Variants in PHACTR3 observed in about 807,000 individuals in gnomAD.
The protein encoded by PHACTR3 is phosphatase and actin regulator 3.
In PHACTR3, 16 loss-of-function variants were observed where a neutral mutation model predicts 66.8. The observed-to-expected ratio is 0.24, with a 90% CI of 0.16 to 0.36. The LOEUF is 0.36. Ranked by LOEUF, PHACTR3 falls within the 10% of genes least tolerant of loss-of-function variation. The pLI, the probability that PHACTR3 is intolerant of heterozygous loss-of-function variation, is 1.00. For missense variants in PHACTR3, 647 were observed against 719.9 expected (o/e 0.90, Z 1.16); for synonymous variants, 323 against 292.1 (o/e 1.11, Z -1.08).
At chr20:59,750,675 C>T (rs940116925) in intron 3 of PHACTR3, among the ~76,000 whole-genome samples, 4 of 137,814 alleles carry the variant, frequency 2.9e-5, no homozygotes, top group Non-Finnish European at 4.7e-5. Context: ...GGCCACAGTG[C>T]GAGTGGGTGG....
At chr20:59,755,492 C>A in intron 4 of PHACTR3, 128 bp downstream of exon 4, 1 of 1,075,406 alleles carries the variant, frequency 9.3e-7, no homozygotes, top group African/African-American at 1.6e-5. Context: ...TGGGCCCGTG[C>A]TCTAAGCGCT....
intron 3 of PHACTR3, among the ~76,000 whole-genome samples, chr20:59,754,407 G>A (rs1201377710): frequency 2.0e-5 from 3 of 152,214 alleles, no homozygotes; most frequent in Admixed American, 1.3e-4. Context: ...GGTGTGCCCC[G>A]TTCCTGGGCT....
intron 1 of PHACTR3, among the ~76,000 whole-genome samples, chr20:59,713,743 T>C (rs571804944): frequency 6.7e-6 from 1 of 150,108 alleles, no homozygotes; most frequent in African/African-American, 2.5e-5. Context: ...TTTTGTCTTT[T>C]GCTTTTTTTT....
At chr20:59,755,634 C>G (rs576692209) in intron 4 of PHACTR3, among the ~76,000 whole-genome samples, 41 of 152,316 alleles carry the variant, frequency 2.7e-4, no homozygotes, top group Admixed American at 8.5e-4. Flanking sequence ...ACCTACCCCC[C>G]CTCCCAGGGC....
chr20:59,597,587 G>GT (rs1568923862), intron 1 of PHACTR3, among the ~76,000 whole-genome samples: 1 of 152,350 alleles, frequency 6.6e-6, no homozygotes, highest in East Asian at 1.9e-4. Flanking sequence ...GATTTGGGTA[G>GT]TTTCAGCCTT....
chr20:59,803,396 T>C (rs2041473948), intron 7 of PHACTR3, among the ~76,000 whole-genome samples: 1 of 152,182 alleles, frequency 6.6e-6, no homozygotes, highest in Non-Finnish European at 1.5e-5. Flanking sequence ...TTCTGTGATG[T>C]TACCTAACAA....
chr20:59,803,368 GA>G (rs1652918864), intron 7 of PHACTR3, among the ~76,000 whole-genome samples: 1 of 151,916 alleles, frequency 6.6e-6, no homozygotes, highest in South Asian at 2.1e-4. Context: ...ACAAAGGAGA[GA>G]TTTTTTTTTT....
chr20:59,657,450 C>T (rs1303325673), intron 1 of PHACTR3, among the ~76,000 whole-genome samples: 1 of 152,018 alleles, frequency 6.6e-6, no homozygotes, highest in Non-Finnish European at 1.5e-5. Flanking sequence ...TGATTTCAGC[C>T]TCAAAACTTT....
intron 1 of PHACTR3, among the ~76,000 whole-genome samples, chr20:59,665,153 T>A (rs912671109): frequency 6.6e-6 from 1 of 152,210 alleles, no homozygotes. Flanking sequence ...TCCTTAACGG[T>A]TCCCCTTGTG....
At chr20:59,674,464 T>TCCTGTTCCTTCCCCTTCTCCTGTTCCCC (rs1568696844) in intron 1 of PHACTR3, among the ~76,000 whole-genome samples, 3 of 73,182 alleles carry the variant, frequency 4.1e-5, no homozygotes, top group African/African-American at 2.5e-4. Flanking sequence ...TCCTGTCCTC[T>TCCTGTTCCTTCCCCTTCTCCTGTTCCCC]CTTCTCCTGT....
rs1331249466 is a variant in PHACTR3, at chr20:59,847,213, C to G, written c.*83C>G. The G allele has an allele frequency of 2.0e-6, 2 of 1,001,124 alleles. No individual in the cohort carries two copies. Among genetic ancestry groups the G allele is most frequent in the African/African-American group, 3.2e-5 (2 of 62,888 alleles). 62.0% of individuals were successfully genotyped at this position (1,001,124 alleles called of 1,614,324 possible). On this transcript the variant is annotated 3_prime_UTR_variant, in exon 13 of 13. Transcript: ENST00000371015. ...ATCAGGGAACTTTCCTGAAGTTCAGCTCAAGACTACCCTACCTGCTGTGTT... is the reference window on the plus strand; with the variant it reads ...ATCAGGGAACTTTCCTGAAGTTCAGGTCAAGACTACCCTACCTGCTGTGTT...
At chr20:59,579,012 C>T (rs1298236972) in intron 1 of PHACTR3, among the ~76,000 whole-genome samples, 1 of 152,192 alleles carries the variant, frequency 6.6e-6, no homozygotes, top group Admixed American at 6.5e-5. Flanking sequence ...GAAGCCCCTC[C>T]CCCAGTGCCT....
chr20:59,841,287 G>GT (rs905680727), intron 10 of PHACTR3, 108 bp from the exon 11 acceptor site: 237 of 1,172,850 alleles, frequency 2.0e-4, no homozygotes, highest in Middle Eastern at 9.1e-4. Flanking sequence ...CCAGTTTCAG[G>GT]TTTTTTTTGT....
intron 1 of PHACTR3, among the ~76,000 whole-genome samples, chr20:59,723,764 A>G (rs1208557927): frequency 6.6e-6 from 1 of 151,922 alleles, no homozygotes; most frequent in Non-Finnish European, 1.5e-5. Context: ...AGGAGTGAGA[A>G]TGGTCATATG....
chr20:59,769,407 AG>A (rs1311495345), intron 5 of PHACTR3, among the ~76,000 whole-genome samples: 4 of 152,350 alleles, frequency 2.6e-5, no homozygotes, highest in African/African-American at 9.6e-5. Context: ...CAGGACACAC[AG>A]GGATGGGACT....
intron 4 of PHACTR3, among the ~76,000 whole-genome samples, chr20:59,755,944 C>G (rs1265430562): frequency 1.3e-5 from 2 of 152,098 alleles, no homozygotes; most frequent in African/African-American, 4.8e-5. Context: ...CCTCAGTTTC[C>G]CTCTGTTAAA....
chr20:59,648,615 A>G (rs1276348528), intron 1 of PHACTR3, among the ~76,000 whole-genome samples: 1 of 152,184 alleles, frequency 6.6e-6, no homozygotes, highest in African/African-American at 2.4e-5. Flanking sequence ...TCTGGGGCTG[A>G]TGATAGCATT....
chr20:59,629,750 A>G (rs565955326), intron 1 of PHACTR3, among the ~76,000 whole-genome samples: 1 of 152,290 alleles, frequency 6.6e-6, no homozygotes, highest in South Asian at 2.1e-4. Flanking sequence ...AAATTCTCTT[A>G]ATCTCACAAT....
chr20:59,666,966 C>G (rs1410975948), intron 1 of PHACTR3, among the ~76,000 whole-genome samples: 1 of 152,190 alleles, frequency 6.6e-6, no homozygotes, highest in Non-Finnish European at 1.5e-5. Flanking sequence ...CTTTGAGGGT[C>G]GTTTATTGAC....
Sources: allele counts gnomAD v4.1 joint callset (sites outside exome capture counted in the v4.1 genomes callset), GRCh38; gene constraint gnomAD v4.1.1; transcripts MANE v1.5; gene names NCBI Gene and HGNC (gene_info 2026-07-23, HGNC 2026-07-21).